PGBD5: variants seen among roughly 807,000 people sequenced by gnomAD.
PGBD5 encodes the protein piggyBac transposable element-derived protein 5.
Under a neutral mutation model 47.9 loss-of-function variants are expected in PGBD5, and 14 were observed. The observed-to-expected ratio is 0.29, with a 90% CI of 0.19 to 0.46. PGBD5 has a LOEUF of 0.46. Ranked by LOEUF, PGBD5 falls within the 20% of genes least tolerant of loss-of-function variation. The probability of loss-of-function intolerance (pLI) is 1.00; values close to 1 mark genes in which losing one functional copy is unlikely to be tolerated. For synonymous variants in PGBD5, 316 were observed against 306.3 expected, an observed-to-expected ratio of 1.03 and a Z score of -0.33; for missense variants, 635 against 716.0, an observed-to-expected ratio of 0.89 and a Z score of 1.29.
At chr1:230,394,117 C>T (rs933789050) in intron 1 of PGBD5, among the ~76,000 whole-genome samples, 2 of 152,078 alleles carry the variant, frequency 1.3e-5, no homozygotes, top group African/African-American at 2.4e-5. Flanking sequence ...CAAACCATGC[C>T]TATTTTATCT....
chr1:230,327,420 C>T (rs75402443), intron 5 of PGBD5, among the ~76,000 whole-genome samples: 26 of 152,290 alleles, frequency 1.7e-4, no homozygotes, highest in African/African-American at 5.5e-4. Flanking sequence ...TACACTGAGC[C>T]GGACTCTTTC....
Position 230,323,706 on chromosome 1 carries a change from C to T in PGBD5, c.1380-86G>A, listed in dbSNP as rs1365216310. On this transcript the variant is annotated intron_variant, in intron 6 of 6. Transcript: ENST00000391860. This position sits in a 1 kb window ranked among gnomAD's most constrained non-coding sequence, Gnocchi z 4.1. ...CCAAAGGCCCCCCCTCACCACAGCC[C>T]GTGAGACGCTGCAGGTTCGCCCCCG... 18 of 1,352,112 alleles carry T rather than the reference C, an allele frequency of 1.3e-5. No individual in the cohort carries two copies. The highest frequency in any genetic ancestry group is 2.0e-4 in the Middle Eastern group (1 of 4,888). 83.8% of individuals were successfully genotyped at this position (1,352,112 alleles called of 1,614,324 possible).
In PGBD5 at chr1:230,326,188, C is replaced by CG. The variant is rs1571821796; in HGVS notation, c.1274-774dup. Among the ~76,000 whole-genome samples the CG allele has an allele frequency of 7.9e-5, 12 of 152,288 alleles. No homozygotes were observed. In the South Asian group the frequency reaches 2.5e-3, roughly 32 times the overall value. ...ACCCCAGCACTTTGGGAGGCCAAGG[C>CG]GGGGGGATCACCTGAGGTCAGTAGT... is the stretch of plus-strand genomic sequence containing the variant. On this transcript the variant is annotated intron_variant, in intron 5 of 6. Transcript: ENST00000391860.
At chr1:230,406,793 C>T (rs1181954090) in intron 1 of PGBD5, among the ~76,000 whole-genome samples, 2 of 152,176 alleles carry the variant, frequency 1.3e-5, no homozygotes, top group Non-Finnish European at 2.9e-5. Context: ...CTCAACTATA[C>T]CACGTTAAAA....
chr1:230,352,132 C>T (rs1205324710), intron 2 of PGBD5, among the ~76,000 whole-genome samples: 1 of 152,178 alleles, frequency 6.6e-6, no homozygotes, highest in African/African-American at 2.4e-5. Flanking sequence ...CTAGTCTGGC[C>T]CACGTCTGTT....
At chr1:230,343,799 A>G (rs780563509) in intron 3 of PGBD5, among the ~76,000 whole-genome samples, 7 of 152,250 alleles carry the variant, frequency 4.6e-5, no homozygotes, top group Non-Finnish European at 1.0e-4. Flanking sequence ...CAAATAAGGA[A>G]AAAAACACTT....
chr1:230,322,114 A>G lies in PGBD5; in HGVS notation c.*1311T>C, dbSNP rs1667041574. Reference sequence around the variant, plus strand: ...AATTCCTTGTTTCTGGTCTGTGGGGATGGTCAGATCTGCCCACCACTCTGG... The same window carrying G: ...AATTCCTTGTTTCTGGTCTGTGGGGGTGGTCAGATCTGCCCACCACTCTGG... On this transcript the variant is annotated 3_prime_UTR_variant, in exon 7 of 7. Coordinates refer to ENST00000391860, the MANE Select transcript of PGBD5 (RefSeq NM_001258311.2). This position sits in a 1 kb window ranked among gnomAD's most constrained non-coding sequence, Gnocchi z 5.9. 6.6e-6 allele frequency: 1 copy of G among 152,154 alleles called. No homozygotes were observed. The highest frequency in any genetic ancestry group is 1.5e-5 in the Non-Finnish European group (1 of 68,054). The allele number at this position is 152,154 out of a possible 1,614,324, so 9.4% of individuals were successfully genotyped here.
At chr1:230,363,179 G>A (rs1334917291) in intron 1 of PGBD5, among the ~76,000 whole-genome samples, 1 of 152,226 alleles carries the variant, frequency 6.6e-6, no homozygotes, top group Non-Finnish European at 1.5e-5. Context: ...GGGCCTTAGC[G>A]ATGCAGGTCC....
chr1:230,323,199 CCGG>C lies in PGBD5; in HGVS notation c.*223_*225del. On this transcript the variant is annotated 3_prime_UTR_variant, in exon 7 of 7. Transcript: ENST00000391860. The surrounding 1 kb of genome is among the most constrained non-coding windows in gnomAD (Gnocchi z 4.1). Reference sequence around the variant, plus strand: ...AACGTGGGTGTAAGTGCTCATCACACCGGCGGCACTGTTTCTCGAGGGAGGACA... The same window carrying C: ...AACGTGGGTGTAAGTGCTCATCACACCGGCACTGTTTCTCGAGGGAGGACA... 1 of 557,144 alleles carries C rather than the reference CCGG, an allele frequency of 1.8e-6. No homozygotes were observed. Among genetic ancestry groups the C allele is most frequent in the Non-Finnish European group, 3.2e-6 (1 of 315,538 alleles). 34.5% of individuals were successfully genotyped at this position (557,144 alleles called of 1,614,324 possible).
intron 1 of PGBD5, chr1:230,362,327 T>A: frequency 7.3e-7 from 1 of 1,367,710 alleles, no homozygotes; most frequent in East Asian, 4.5e-5. Context: ...AGGAATGGAT[T>A]ATAGGGCGGC....
intron 3 of PGBD5, among the ~76,000 whole-genome samples, chr1:230,347,874 C>T (rs958200717): frequency 2.0e-5 from 3 of 152,170 alleles, no homozygotes; most frequent in African/African-American, 7.2e-5. Flanking sequence ...TAAACATTTA[C>T]TAAGCTCCCA....
intron 1 of PGBD5, among the ~76,000 whole-genome samples, chr1:230,382,654 G>C (rs1656531151): frequency 6.6e-6 from 1 of 152,234 alleles, no homozygotes; most frequent in African/African-American, 2.4e-5. Flanking sequence ...GGTCACCTGA[G>C]AGGAGGTGAG....
At chr1:230,409,660 C>A (rs950184540) in intron 1 of PGBD5, among the ~76,000 whole-genome samples, 5 of 152,056 alleles carry the variant, frequency 3.3e-5, no homozygotes, top group Non-Finnish European at 5.9e-5. Flanking sequence ...GCTAAAGAGA[C>A]AGAAAGGAGA....
intron 1 of PGBD5, among the ~76,000 whole-genome samples, chr1:230,393,995 C>T (rs1656858290): frequency 1.3e-5 from 2 of 152,128 alleles, no homozygotes; most frequent in Non-Finnish European, 2.9e-5. Flanking sequence ...TCTTCTGGCT[C>T]ATTCCGCCCC....
At chr1:230,416,859 C>T (rs911172916) in intron 1 of PGBD5, among the ~76,000 whole-genome samples, 41 of 152,136 alleles carry the variant, frequency 2.7e-4, no homozygotes, top group Non-Finnish European at 1.5e-4. Context: ...TCCAGCACAG[C>T]CTGGGGAAAC....
chr1:230,415,485 T>G (rs1040934517), intron 1 of PGBD5, among the ~76,000 whole-genome samples: 3 of 152,206 alleles, frequency 2.0e-5, no homozygotes, highest in Non-Finnish European at 4.4e-5. Context: ...TTGCAGTTGC[T>G]TTTGCCAGGG....
chr1:230,382,321 A>G (rs952464579), intron 1 of PGBD5, among the ~76,000 whole-genome samples: 1 of 152,214 alleles, frequency 6.6e-6, no homozygotes, highest in African/African-American at 2.4e-5. Context: ...CCTGTAAAGG[A>G]ATGACATCCT....
intron 4 of PGBD5, among the ~76,000 whole-genome samples, chr1:230,335,705 A>G (rs1667303203): frequency 1.5e-4 from 1 of 6,552 alleles, no homozygotes; most frequent in African/African-American, 4.6e-4. Context: ...ATACACATAC[A>G]TACACAGGTA....
At chr1:230,369,093 C>T (rs896328320) in intron 1 of PGBD5, among the ~76,000 whole-genome samples, 3 of 152,372 alleles carry the variant, frequency 2.0e-5, no homozygotes, top group Non-Finnish European at 4.4e-5. Context: ...GAATGAGAGT[C>T]TCGGGTGAAG....
Sources: gnomAD v4.1 joint callset for allele counts (sites outside exome capture counted in the v4.1 genomes callset) on GRCh38, gnomAD v4.1.1 for gene constraint, Gnocchi (gnomAD v3.1) non-coding constraint, MANE v1.5 for transcripts, NCBI Gene and HGNC (gene_info 2026-07-23, HGNC 2026-07-21) for gene names.